The following TMPRSS7 variants were observed in gnomAD, a reference collection of about 807,000 sequenced individuals.
The protein encoded by TMPRSS7 is transmembrane serine protease 7.
A neutral mutation model predicts 95.6 loss-of-function variants in TMPRSS7; 81 were observed. The ratio of observed to expected loss-of-function variants is 0.85; its 90% CI spans 0.71 to 1.02. The LOEUF (loss-of-function observed/expected upper bound fraction) is 1.02. Ranked by LOEUF, TMPRSS7 falls within the 50% of genes least tolerant of loss-of-function variation. The pLI is 0.00. For synonymous variants in TMPRSS7, 364 were observed against 337.8 expected, an observed-to-expected ratio of 1.08 and a Z score of -0.85; for missense variants, 945 against 955.2, an observed-to-expected ratio of 0.99 and a Z score of 0.14.
In TMPRSS7 at chr3:112,078,174, C is replaced by T. The variant is rs1035873665; in HGVS notation, c.2225-568C>T. On this transcript the variant is annotated intron_variant, in intron 16 of 17. Transcript: ENST00000452346. ...CTTTGATAGGTTACTGTGCTCAGTG[C>T]TTTGATTACATTATCATATATCACA... Among the ~76,000 whole-genome samples the T allele has an allele frequency of 1.1e-4, 16 of 152,280 alleles. No individual in the cohort carries two copies. The East Asian group carries it at 2.9e-3, about 28-fold the overall frequency.
intron 1 of TMPRSS7, among the ~76,000 whole-genome samples, chr3:112,036,015 T>G (rs978960269): frequency 3.3e-5 from 5 of 152,176 alleles, no homozygotes; most frequent in Non-Finnish European, 7.3e-5. Flanking sequence ...CCCACAACCC[T>G]ACAACCGTAT....
chr3:112,047,327 A>C, intron 6 of TMPRSS7: 1 of 602,418 alleles, frequency 1.7e-6, no homozygotes, highest in South Asian at 1.5e-5. Flanking sequence ...AAGGACCACC[A>C]AGCAGATCCA....
chr3:112,050,844 TTTCA>T (rs1175927732), intron 9 of TMPRSS7, 61 bp downstream of exon 9: 2 of 792,802 alleles, frequency 2.5e-6, no homozygotes, highest in Non-Finnish European at 4.0e-6. Context: ...ATAGCATGAA[TTTCA>T]TTCATTTTTT....
rs147572512 is a variant in TMPRSS7 at position 112,059,948 on chromosome 3, C to T, written c.1311-1839C>T. Among the ~76,000 whole-genome samples, 1,098 of 152,242 alleles carry T rather than the reference C, an allele frequency of 7.2e-3. 15 individuals are homozygous for T. The highest frequency in any genetic ancestry group is 0.041 in the South Asian group (198 of 4,820). ...AGGTCATTACCTATTGGGGAACCTG[C>T]CCCCGATAGTCATGTAGGTTCTTTT... On this transcript the variant is annotated intron_variant, in intron 10 of 17. Transcript: ENST00000452346.
At chr3:112,044,739 A>G (rs1338338088) in intron 4 of TMPRSS7, among the ~76,000 whole-genome samples, 1 of 152,122 alleles carries the variant, frequency 6.6e-6, no homozygotes, top group Non-Finnish European at 1.5e-5. Flanking sequence ...TGCACCATAT[A>G]TTATATCCCA....
chr3:112,066,403 C>T (rs2073575318), exon 13 of TMPRSS7: 1 of 1,613,770 alleles, frequency 6.2e-7, no homozygotes. Context: ...GAGCCCTCAA[C>T]CTGCCTGCAA....
At chr3:112,066,545 C>A in intron 13 of TMPRSS7, 43 bp downstream of exon 13, 1 of 1,572,232 alleles carries the variant, frequency 6.4e-7, no homozygotes, top group Non-Finnish European at 8.7e-7. Flanking sequence ...TCCTATGAAA[C>A]TCTTCTAAAT....
chr3:112,034,940 G>T (rs1035919318), intron 1 of TMPRSS7, 47 bp downstream of exon 1: 1 of 702,014 alleles, frequency 1.4e-6, no homozygotes, highest in Non-Finnish European at 2.6e-6. Context: ...GCCATTTATT[G>T]TTGACCCTGT....
intron 12 of TMPRSS7, among the ~76,000 whole-genome samples, chr3:112,064,666 TA>T (rs950585024): frequency 6.6e-6 from 1 of 152,092 alleles, no homozygotes; most frequent in African/African-American, 2.4e-5. Context: ...GCCAGCCCCA[TA>T]AAAGAAAAAG....
At chr3:112,035,799 G>A (rs890590159) in intron 1 of TMPRSS7, among the ~76,000 whole-genome samples, 15 of 152,086 alleles carry the variant, frequency 9.9e-5, no homozygotes, top group African/African-American at 2.9e-4. Context: ...AGGAGGAAGG[G>A]AAACAATTAA....
chr3:112,050,107 A>C, intron 8 of TMPRSS7, 133 bp downstream of exon 8: 1 of 800,634 alleles, frequency 1.2e-6, no homozygotes, highest in African/African-American at 1.8e-5. Flanking sequence ...TCCAGTCAGA[A>C]GAGAGAGACC....
intron 12 of TMPRSS7, 64 bp downstream of exon 12, chr3:112,063,696 C>A: frequency 7.7e-7 from 1 of 1,302,306 alleles, no homozygotes; most frequent in Non-Finnish European, 1.1e-6. Context: ...ACCATGATTG[C>A]TGCTGATATA....
chr3:112,054,197 G>A (rs1157702070), intron 9 of TMPRSS7, among the ~76,000 whole-genome samples: 3 of 152,124 alleles, frequency 2.0e-5, no homozygotes, highest in Non-Finnish European at 2.9e-5. Flanking sequence ...GCAAATTAGG[G>A]GTGGGCTGAA....
At chr3:112,055,246 C>T (rs758712975) in intron 9 of TMPRSS7, among the ~76,000 whole-genome samples, 8 of 152,016 alleles carry the variant, frequency 5.3e-5, no homozygotes, top group Non-Finnish European at 1.2e-4. Context: ...CTGTGGTCTG[C>T]ATTTTTTAAC....
At chr3:112,040,759 A>G (rs1017013356) in intron 2 of TMPRSS7, among the ~76,000 whole-genome samples, 3 of 152,230 alleles carry the variant, frequency 2.0e-5, no homozygotes, top group African/African-American at 7.2e-5. Context: ...GATCAGTACA[A>G]GCAAAGGGAG....
chr3:112,077,844 T>C (rs911300624), intron 16 of TMPRSS7, among the ~76,000 whole-genome samples: 6 of 152,212 alleles, frequency 3.9e-5, no homozygotes, highest in African/African-American at 1.4e-4. Flanking sequence ...GAATATATAG[T>C]GAGGGGAAGA....
chr3:112,045,381 C>CA (rs2073265020), intron 4 of TMPRSS7, among the ~76,000 whole-genome samples: 2 of 152,194 alleles, frequency 1.3e-5, no homozygotes, highest in African/African-American at 4.8e-5. Context: ...CTCCTGACCT[C>CA]AGGTGATCTG....
chr3:112,056,684 T>C (rs1022170512), intron 9 of TMPRSS7, among the ~76,000 whole-genome samples: 12 of 152,226 alleles, frequency 7.9e-5, no homozygotes, highest in Non-Finnish European at 1.3e-4. Context: ...AGTTGTGTCA[T>C]ATGTACATTA....
intron 9 of TMPRSS7, among the ~76,000 whole-genome samples, chr3:112,052,673 T>C (rs1020699046): frequency 6.6e-6 from 1 of 152,128 alleles, no homozygotes; most frequent in Admixed American, 6.5e-5. Flanking sequence ...CAAATCTCCA[T>C]TTCTTCAGTC....
Sources: allele counts gnomAD v4.1 joint callset (sites outside exome capture counted in the v4.1 genomes callset), GRCh38; gene constraint gnomAD v4.1.1; transcripts MANE v1.5; gene names NCBI Gene and HGNC (gene_info 2026-07-23, HGNC 2026-07-21).